DLG2: variants seen among roughly 807,000 people sequenced by gnomAD.
DLG2 encodes disks large homolog 2.
DLG2 carries 45 observed loss-of-function variants against 132.5 expected under a neutral mutation model. The observed-to-expected ratio is 0.34, with a 90% confidence interval of 0.27 to 0.44. The LOEUF is 0.44. DLG2 is among the 20% of genes least tolerant of loss of function. The pLI, the probability that DLG2 is intolerant of heterozygous loss-of-function variation, is 1.00. For synonymous variants in DLG2, 424 were observed against 419.6 expected (o/e 1.01, Z -0.13); for missense variants, 1,045 against 1,196.9 (o/e 0.87, Z 1.87).
intron 6 of DLG2, among the ~76,000 whole-genome samples, chr11:84,803,403 A>T (rs2075647041): frequency 6.6e-6 from 1 of 152,226 alleles, no homozygotes; most frequent in Non-Finnish European, 1.5e-5. Context: ...TAGAGAGATT[A>T]AACACTAGAA....
intron 7 of DLG2, among the ~76,000 whole-genome samples, chr11:84,291,051 G>C (rs1009694333): frequency 6.6e-6 from 1 of 152,090 alleles, no homozygotes; most frequent in African/African-American, 2.4e-5. Flanking sequence ...ATACATGTTA[G>C]CTACTATTGT....
rs992291659 is a variant in DLG2 at position 84,314,864 on chromosome 11, A to G, written c.520-63573T>C. 9.9e-5 allele frequency among the ~76,000 whole-genome samples: 15 copies of G among 152,232 alleles called. 1 individual carries two copies. The East Asian group carries it at 2.9e-3, about 29-fold the overall frequency. On this transcript the variant is annotated intron_variant, in intron 7 of 27. Transcript: ENST00000376104. ...AACATAATGTATTTGAAAGTTTTCA[A>G]GCATTGGTGAAGATGGATTAATCAA...
intron 18 of DLG2, among the ~76,000 whole-genome samples, chr11:83,649,122 G>A (rs1015260618): frequency 1.3e-5 from 2 of 152,100 alleles, no homozygotes; most frequent in African/African-American, 4.8e-5. Flanking sequence ...TAGAAGTAGG[G>A]CTGAGTGGGG....
At chr11:85,606,522 C>T (rs1485177481) in intron 2 of DLG2, among the ~76,000 whole-genome samples, 2 of 152,252 alleles carry the variant, frequency 1.3e-5, no homozygotes, top group Middle Eastern at 3.4e-3. Flanking sequence ...ATAAAATGGA[C>T]CAAGCAGCTC....
intron 6 of DLG2, chr11:84,800,797 C>A (rs1271673090): frequency 2.0e-5 from 3 of 152,136 alleles, no homozygotes; most frequent in Non-Finnish European, 2.9e-5. Context: ...CGGATTTTAA[C>A]AATTTTATGC....
intron 6 of DLG2, among the ~76,000 whole-genome samples, chr11:84,760,093 A>C (rs937269612): frequency 8.5e-5 from 13 of 152,214 alleles, no homozygotes; most frequent in African/African-American, 3.1e-4. Context: ...TTTATAAAAC[A>C]TGCTTTAGTT....
intron 4 of DLG2, among the ~76,000 whole-genome samples, chr11:85,232,163 T>C: frequency 6.6e-6 from 1 of 151,992 alleles, no homozygotes; most frequent in East Asian, 1.9e-4. Context: ...ATACTTTACT[T>C]GTTTCAGGGA....
At chr11:84,114,146 AAATT>A (rs2093507181) in intron 9 of DLG2, among the ~76,000 whole-genome samples, 2 of 151,952 alleles carry the variant, frequency 1.3e-5, no homozygotes, top group Admixed American at 1.3e-4. Flanking sequence ...ATTTATAAAT[AAATT>A]ATTACTTATA....
chr11:85,501,783 G>A (rs1017613745), intron 3 of DLG2, among the ~76,000 whole-genome samples: 4 of 152,098 alleles, frequency 2.6e-5, no homozygotes, highest in African/African-American at 9.7e-5. Context: ...ATGCTGGAGA[G>A]GTTGTGAAAA....
At chr11:84,969,086 A>C (rs536327907) in intron 6 of DLG2, among the ~76,000 whole-genome samples, 1 of 152,138 alleles carries the variant, frequency 6.6e-6, no homozygotes, top group African/African-American at 2.4e-5. Context: ...AAAAAAAAAA[A>C]AAAAGTACAG....
At chr11:83,654,450 A>G (rs940310735) in intron 18 of DLG2, among the ~76,000 whole-genome samples, 7 of 152,122 alleles carry the variant, frequency 4.6e-5, no homozygotes, top group African/African-American at 1.7e-4. Context: ...TCCCCTTACA[A>G]TGATGGTTCT....
chr11:85,179,531 A>G (rs1041009271), intron 4 of DLG2, among the ~76,000 whole-genome samples: 4 of 151,886 alleles, frequency 2.6e-5, no homozygotes, highest in Admixed American at 2.6e-4. Context: ...AGAATAATAT[A>G]TAGATTATTA....
chr11:84,639,404 A>G (rs1326739935), intron 6 of DLG2, among the ~76,000 whole-genome samples: 1 of 151,026 alleles, frequency 6.6e-6, no homozygotes, highest in African/African-American at 2.4e-5. Context: ...TTTTTGTAAA[A>G]CCAAAGAATC....
chr11:85,550,589 C>T (rs1337807976), intron 3 of DLG2, among the ~76,000 whole-genome samples: 3 of 152,192 alleles, frequency 2.0e-5, no homozygotes, highest in African/African-American at 4.8e-5. Flanking sequence ...GAGTTGAGAG[C>T]GGCAGGCTGA....
chr11:84,442,237 C>A (rs1182369001), intron 7 of DLG2, among the ~76,000 whole-genome samples: 1 of 152,082 alleles, frequency 6.6e-6, no homozygotes, highest in Non-Finnish European at 1.5e-5. Context: ...GATATTGATT[C>A]TTCCTGTCCA....
At chr11:83,906,096 T>C (rs1298123479) in intron 15 of DLG2, among the ~76,000 whole-genome samples, 1 of 92,692 alleles carries the variant, frequency 1.1e-5, no homozygotes, top group Non-Finnish European at 2.1e-5. Context: ...TATATATATA[T>C]ATATATATAC....
Position 85,076,034 on chromosome 11 carries a change from C to A in DLG2, c.357+35627G>T, listed in dbSNP as rs1210633100. ...CCCTACTTTGATGATCTCAAGTCAT[C>A]TGGTAAATGAATTTATTTACTCACA... On this transcript the variant is annotated intron_variant, in intron 6 of 27. Coordinates refer to ENST00000376104, the MANE Select transcript of DLG2 (RefSeq NM_001142699.3). Among the ~76,000 whole-genome samples the A allele has an allele frequency of 4.6e-5, 7 of 152,044 alleles. No homozygotes were observed. In the East Asian group the frequency reaches 1.4e-3, roughly 30 times the overall value.
intron 3 of DLG2, among the ~76,000 whole-genome samples, chr11:85,475,331 A>T (rs1407455622): frequency 1.3e-5 from 2 of 151,956 alleles, no homozygotes. Flanking sequence ...TTCTATAAAC[A>T]TTCTAAAAAA....
intron 7 of DLG2, among the ~76,000 whole-genome samples, chr11:84,420,668 T>G (rs1601813402): frequency 1.1e-5 from 1 of 88,122 alleles, no homozygotes; most frequent in African/African-American, 4.1e-5. Flanking sequence ...TTTTTTTTTT[T>G]TTTTTTTTTT....
Sources: allele counts gnomAD v4.1 joint callset (sites outside exome capture counted in the v4.1 genomes callset), GRCh38; gene constraint gnomAD v4.1.1; transcripts MANE v1.5; gene names NCBI Gene and HGNC (gene_info 2026-07-23, HGNC 2026-07-21).